Variants in UBASH3B observed in about 807,000 individuals in gnomAD.
The protein encoded by UBASH3B is ubiquitin associated and SH3 domain containing B, also known as ubiquitin-associated and SH3 domain-containing protein B.
A neutral mutation model predicts 83.4 loss-of-function variants in UBASH3B; 37 were observed. The observed-to-expected ratio is 0.44, with a 90% CI of 0.34 to 0.58. The LOEUF (loss-of-function observed/expected upper bound fraction) is 0.58, where lower values mean the gene tolerates loss of function less well. Among genes scored for constraint, UBASH3B ranks in the 20% least tolerant of loss-of-function variants. The pLI is 0.01. For synonymous variants in UBASH3B, 304 were observed against 318.3 expected (o/e 0.96, Z 0.48); for missense variants, 657 against 827.2 (o/e 0.79, Z 2.52).
chr11:122,791,956 C>T (rs1463255632), intron 6 of UBASH3B, among the ~76,000 whole-genome samples: 1 of 152,156 alleles, frequency 6.6e-6, no homozygotes, highest in African/African-American at 2.4e-5. Flanking sequence ...TGGTGTGTTG[C>T]AGGGAGAAGC....
intron 1 of UBASH3B, among the ~76,000 whole-genome samples, chr11:122,741,090 T>C (rs1693708001): frequency 6.6e-6 from 1 of 152,180 alleles, no homozygotes; most frequent in African/African-American, 2.4e-5. Flanking sequence ...TATTCGCTCT[T>C]TTCACCTTAA....
intron 1 of UBASH3B, among the ~76,000 whole-genome samples, chr11:122,671,052 C>A (rs1863587356): frequency 6.6e-6 from 1 of 152,086 alleles, no homozygotes; most frequent in African/African-American, 2.4e-5. Context: ...CGTGAGCCAC[C>A]ACACCCTGCT....
At chr11:122,739,696 C>T (rs924994602) in intron 1 of UBASH3B, among the ~76,000 whole-genome samples, 2 of 152,228 alleles carry the variant, frequency 1.3e-5, no homozygotes, top group African/African-American at 4.8e-5. Context: ...AAATTTTCAT[C>T]TCTGCTCACT....
intron 1 of UBASH3B, among the ~76,000 whole-genome samples, chr11:122,755,458 G>A (rs1195073556): frequency 6.6e-6 from 1 of 152,126 alleles, no homozygotes; most frequent in Non-Finnish European, 1.5e-5. Context: ...ACCGGGACAG[G>A]AGGGTGTGGC....
Position 122,679,630 on chromosome 11 carries a change from A to G in UBASH3B, c.161+23420A>G, listed in dbSNP as rs115167872. Among the ~76,000 whole-genome samples, 279 of 152,282 alleles carry G rather than the reference A, an allele frequency of 1.8e-3. 1 individual carries two copies. Among genetic ancestry groups the G allele is most frequent in the African/African-American group, 6.3e-3 (260 of 41,550 alleles). On this transcript the variant is annotated intron_variant, in intron 1 of 13. Coordinates refer to ENST00000284273, the MANE Select transcript of UBASH3B (RefSeq NM_032873.5). ...AACTCTGTAGAGGGCCAGAGAGTAA[A>G]TATTTCAGGCTTGGCCGACCATATG... is the stretch of plus-strand genomic sequence containing the variant.
At chr11:122,781,517 C>T (rs1860853588) in intron 4 of UBASH3B, among the ~76,000 whole-genome samples, 1 of 152,214 alleles carries the variant, frequency 6.6e-6, no homozygotes, top group Admixed American at 6.5e-5. Context: ...CTGTGGGACG[C>T]GGGTGGAGCC....
At chr11:122,715,245 G>A (rs1205111266) in intron 1 of UBASH3B, among the ~76,000 whole-genome samples, 3 of 152,192 alleles carry the variant, frequency 2.0e-5, no homozygotes, top group African/African-American at 7.2e-5. Flanking sequence ...GCGCCCAGCC[G>A]AGATAAATGT....
rs1226801136 is a variant in UBASH3B at position 122,806,984 on chromosome 11, T to C, written c.1702+468T>C. ...AAACACTGAGCTCAAATATTTAATA[T>C]GTAAGACTGTTCACTATCAATTTTT... On this transcript the variant is annotated intron_variant, in intron 12 of 13. Coordinates refer to ENST00000284273, the MANE Select transcript of UBASH3B (RefSeq NM_032873.5). This position sits in a 1 kb window ranked among gnomAD's most constrained non-coding sequence, Gnocchi z 4.0. 6.6e-6 allele frequency among the ~76,000 whole-genome samples: 1 copy of C among 152,244 alleles called. No individual in the cohort carries two copies. Among genetic ancestry groups the C allele is most frequent in the African/African-American group, 2.4e-5 (1 of 41,464 alleles).
At chr11:122,783,819 T>C (rs1860899248) in intron 5 of UBASH3B, among the ~76,000 whole-genome samples, 2 of 152,188 alleles carry the variant, frequency 1.3e-5, no homozygotes, top group Admixed American at 1.3e-4. Flanking sequence ...GTGGGAGGCC[T>C]GAGTGAGAAA....
At chr11:122,720,779 A>G (rs1860612765) in intron 1 of UBASH3B, among the ~76,000 whole-genome samples, 1 of 152,124 alleles carries the variant, frequency 6.6e-6, no homozygotes. Context: ...CTTTCCATGC[A>G]AAATAGGAAT....
At chr11:122,765,536 T>A (rs1860521816) in intron 1 of UBASH3B, among the ~76,000 whole-genome samples, 1 of 152,088 alleles carries the variant, frequency 6.6e-6, no homozygotes, top group South Asian at 2.1e-4. Flanking sequence ...CTCACACCCC[T>A]CCATGACAGG....
chr11:122,692,058 C>T (rs113536703), intron 1 of UBASH3B, among the ~76,000 whole-genome samples: 1,608 of 152,256 alleles, frequency 0.011, 26 homozygotes, highest in African/African-American at 0.035. Context: ...CTGCCACTTA[C>T]AGAACCTTGG....
chr11:122,728,248 C>T (rs1449196986), intron 1 of UBASH3B, among the ~76,000 whole-genome samples: 3 of 152,182 alleles, frequency 2.0e-5, no homozygotes, highest in Admixed American at 6.5e-5. Flanking sequence ...TAGCCGTCCA[C>T]GTCATTTCTG....
Position 122,656,057 on chromosome 11 carries a change from A to C in UBASH3B, c.8A>C (p.Gln3Pro). The C allele has an allele frequency of 6.3e-7, 1 of 1,594,454 alleles. No homozygotes were observed. Among genetic ancestry groups the C allele is most frequent in the Non-Finnish European group, 8.5e-7 (1 of 1,172,066 alleles). ...ATGGCTGGCCGCTGAGCCATGGCTCAGTACGGCCACCCCAGTCCGCTCGGC... is the reference window on the plus strand; with the variant it reads ...ATGGCTGGCCGCTGAGCCATGGCTCCGTACGGCCACCCCAGTCCGCTCGGC... The part of the protein sequence containing the change: MA[Q>P]YGHPSPLGMA... Residue 3 changes from glutamine to proline, a missense_variant, in exon 1 of 14, where the codon CAG (glutamine) becomes CCG (proline). Around this residue, in one of 3 missense-constraint regions of UBASH3B, gnomAD observed 78 missense variants for 68.4 expected, o/e 1.14. Transcript: ENST00000284273.
chr11:122,770,477 C>A, intron 1 of UBASH3B, among the ~76,000 whole-genome samples: 1 of 149,912 alleles, frequency 6.7e-6, no homozygotes, highest in African/African-American at 2.5e-5. Context: ...TTTTTTTTGA[C>A]CATAGCATTG....
At chr11:122,802,313 G>GAA (rs147011358) in intron 11 of UBASH3B, among the ~76,000 whole-genome samples, 2,310 of 66,046 alleles carry the variant, frequency 0.035, 68 homozygotes, top group Non-Finnish European at 0.042. Flanking sequence ...GACTCTGTCT[G>GAA]AAAAAAAAAA....
At position 122,660,853 on chromosome 11, in the gene UBASH3B, C is replaced by T. The variant is rs568832215; in HGVS notation, c.161+4643C>T. On this transcript the variant is annotated intron_variant, in intron 1 of 13. Transcript: ENST00000284273. ...TAAGAGATAATAGTCTTGGGAAGGA[C>T]ACTGTGGCAGGGATCAAAGGTCCTA... 2.0e-5 allele frequency among the ~76,000 whole-genome samples: 3 copies of T among 152,248 alleles called. No homozygotes were observed. The East Asian group carries it at 5.8e-4, about 29-fold the overall frequency.
At position 122,688,653 on chromosome 11, in the gene UBASH3B, T is replaced by TA. The variant is rs1565529566; in HGVS notation, c.161+32443_161+32444insA. Among the ~76,000 whole-genome samples the TA allele has an allele frequency of 8.9e-3, 1,111 of 124,514 alleles. 12 individuals are homozygous for TA. Among genetic ancestry groups the TA allele is most frequent in the African/African-American group, 0.028 (1,045 of 37,502 alleles). The allele number at this position is 124,514 out of a possible 152,430, so 81.7% of individuals were successfully genotyped here. ...TTATTTTATTTTATTTTATTTTATTTTATTTTTTTGAGACGGAGGCTTGCT... is the reference window on the plus strand; with the variant it reads ...TTATTTTATTTTATTTTATTTTATTTATATTTTTTTGAGACGGAGGCTTGCT... On this transcript the variant is annotated intron_variant, in intron 1 of 13. Coordinates refer to ENST00000284273, the MANE Select transcript of UBASH3B (RefSeq NM_032873.5).
intron 5 of UBASH3B, among the ~76,000 whole-genome samples, chr11:122,788,473 G>A (rs7115152): frequency 6.6e-6 from 1 of 152,044 alleles, no homozygotes. Flanking sequence ...GGAGGCTGAG[G>A]CAAGAGAATC....
Sources: gnomAD v4.1 joint callset for allele counts (sites outside exome capture counted in the v4.1 genomes callset) on GRCh38, gnomAD v4.1.1 for gene constraint, gnomAD v4.1.1 regional missense constraint, Gnocchi (gnomAD v3.1) non-coding constraint, MANE v1.5 for transcripts, NCBI Gene and HGNC (gene_info 2026-07-23, HGNC 2026-07-21) for gene names.